CPQ: variants seen among roughly 807,000 people sequenced by gnomAD.
CPQ encodes the protein Ser-Met dipeptidase.
In CPQ, 37 loss-of-function variants were observed where a neutral mutation model predicts 45.7. That is an observed-to-expected ratio of 0.81 (90% CI 0.62 to 1.07). CPQ has a LOEUF of 1.07. Among genes scored for constraint, CPQ ranks in the 50% least tolerant of loss-of-function variants. The probability of loss-of-function intolerance (pLI) is 0.00; values close to 1 mark genes in which losing one functional copy is unlikely to be tolerated. For missense variants in CPQ, 537 were observed against 572.9 expected (o/e 0.94, Z 0.64); for synonymous variants, 186 against 205.8 (o/e 0.90, Z 0.82).
chr8:97,132,192 G>C (rs2130623560), intron 7 of CPQ, among the ~76,000 whole-genome samples: 1 of 152,232 alleles, frequency 6.6e-6, no homozygotes. Flanking sequence ...CATCAGCTTG[G>C]CCATGTGGAA....
intron 6 of CPQ, among the ~76,000 whole-genome samples, chr8:97,055,232 C>A (rs1406508550): frequency 6.6e-6 from 1 of 152,166 alleles, no homozygotes; most frequent in Non-Finnish European, 1.5e-5. Context: ...TGGAATCAGT[C>A]TCTCTGAACT....
intron 1 of CPQ, among the ~76,000 whole-genome samples, chr8:96,672,299 C>T (rs1809014624): frequency 6.6e-6 from 1 of 152,128 alleles, no homozygotes; most frequent in Non-Finnish European, 1.5e-5. Flanking sequence ...TTCTGTGCAG[C>T]ATCCCTGGGA....
intron 7 of CPQ, among the ~76,000 whole-genome samples, chr8:97,136,889 CT>C (rs1197377991): frequency 6.6e-6 from 1 of 152,164 alleles, no homozygotes; most frequent in Non-Finnish European, 1.5e-5. Context: ...AACATTCCCC[CT>C]GACCCACCCA....
intron 5 of CPQ, among the ~76,000 whole-genome samples, chr8:96,997,153 C>T (rs1248823780): frequency 6.6e-6 from 1 of 151,940 alleles, no homozygotes; most frequent in Non-Finnish European, 1.5e-5. Context: ...CAAAAGCATT[C>T]ACAAGTCCAC....
chr8:96,774,270 CAAA>C (rs764110279), intron 1 of CPQ, among the ~76,000 whole-genome samples: 3 of 108,692 alleles, frequency 2.8e-5, no homozygotes, highest in Non-Finnish European at 5.9e-5. Context: ...GACTCAGTCT[CAAA>C]AAAAAAAAAA....
chr8:96,784,963 T>C lies in CPQ; in HGVS notation c.66T>C (p.Ala22=). The C allele has an allele frequency of 6.2e-7, 1 of 1,613,834 alleles. No homozygotes were observed. ...TTTTATCCCTGTGCTCTGGGAAAGCTATATGCAAGAATGGCATCTCTAAGA... is the reference window on the plus strand; with the variant it reads ...TTTTATCCCTGTGCTCTGGGAAAGCCATATGCAAGAATGGCATCTCTAAGA... ...VHLLSLCSGK[A]ICKNGISKRT... is the part of the protein sequence containing the mutation. The change falls in exon 2 of 8, where the codon GCT becomes GCC. Residue 22 remains alanine, a synonymous_variant. Coordinates refer to ENST00000220763, the MANE Select transcript of CPQ (RefSeq NM_016134.4).
chr8:96,790,024 G>A (rs1810826246), intron 2 of CPQ, among the ~76,000 whole-genome samples: 2 of 152,086 alleles, frequency 1.3e-5, no homozygotes, highest in African/African-American at 4.8e-5. Flanking sequence ...AGCTATGGTT[G>A]TTCTGCCATT....
Position 96,716,429 on chromosome 8 carries a change from C to T in CPQ, c.-34-68435C>T, listed in dbSNP as rs1468785410. Reference sequence around the variant, plus strand: ...TCTGAGATTTTGGTGCATCCATCACCCAAGCAGTATACACTACTACACTGA... The same window carrying T: ...TCTGAGATTTTGGTGCATCCATCACTCAAGCAGTATACACTACTACACTGA... On this transcript the variant is annotated intron_variant, in intron 1 of 7. Coordinates refer to ENST00000220763, the MANE Select transcript of CPQ (RefSeq NM_016134.4). 5.9e-5 allele frequency among the ~76,000 whole-genome samples: 9 copies of T among 151,822 alleles called. 1 individual carries two copies. The South Asian group carries it at 8.3e-4, about 14-fold the overall frequency.
intron 7 of CPQ, among the ~76,000 whole-genome samples, chr8:97,079,095 C>T (rs935018459): frequency 1.3e-5 from 2 of 152,114 alleles, no homozygotes; most frequent in African/African-American, 4.8e-5. Context: ...GGAGCCACTG[C>T]ACCTGGCCAT....
At chr8:97,065,049 C>T (rs1334105433) in intron 6 of CPQ, among the ~76,000 whole-genome samples, 1 of 152,104 alleles carries the variant, frequency 6.6e-6, no homozygotes, top group Admixed American at 6.6e-5. Context: ...ACGCAATGTA[C>T]AAATGTTATT....
intron 1 of CPQ, among the ~76,000 whole-genome samples, chr8:96,724,747 A>T (rs999765052): frequency 6.6e-6 from 1 of 152,220 alleles, no homozygotes; most frequent in Non-Finnish European, 1.5e-5. Context: ...ACAGAATTAG[A>T]TAAAAACAAT....
intron 7 of CPQ, among the ~76,000 whole-genome samples, chr8:97,096,574 T>C (rs972399738): frequency 1.3e-5 from 2 of 152,224 alleles, no homozygotes; most frequent in Non-Finnish European, 2.9e-5. Context: ...GAAAGTCATC[T>C]TGGAGAAGGC....
chr8:96,654,172 G>A (rs1400590257), intron 1 of CPQ, among the ~76,000 whole-genome samples: 1 of 152,190 alleles, frequency 6.6e-6, no homozygotes, highest in Non-Finnish European at 1.5e-5. Flanking sequence ...CCGTCAAGTT[G>A]TCTTCTGTCA....
chr8:97,100,406 G>A (rs1811282986), intron 7 of CPQ, among the ~76,000 whole-genome samples: 2 of 152,154 alleles, frequency 1.3e-5, no homozygotes, highest in African/African-American at 4.8e-5. Context: ...CAGGCAAAGA[G>A]AGATGAGAGA....
intron 2 of CPQ, among the ~76,000 whole-genome samples, chr8:96,805,394 A>G (rs1056495849): frequency 3.3e-5 from 5 of 152,184 alleles, no homozygotes; most frequent in African/African-American, 1.2e-4. Context: ...TCATCCAATT[A>G]ATAATGACAG....
At chr8:96,779,717 G>A (rs938865818) in intron 1 of CPQ, among the ~76,000 whole-genome samples, 2 of 152,124 alleles carry the variant, frequency 1.3e-5, no homozygotes, top group African/African-American at 4.8e-5. Flanking sequence ...GTAGATATTT[G>A]TGGTTAGTGC....
At chr8:96,859,577 C>A (rs188542473) in intron 3 of CPQ, among the ~76,000 whole-genome samples, 15 of 152,272 alleles carry the variant, frequency 9.9e-5, no homozygotes, top group African/African-American at 3.4e-4. Context: ...TGAAATCTTT[C>A]CTTTCTATAA....
At position 96,946,884 on chromosome 8, in the gene CPQ, G is replaced by A. The variant is rs777710101; in HGVS notation, c.850-19051G>A. ...CAAACCTTACTTTCTTGGAAAGACCGTTTTCTGGCCGCTGAGGTCTCTGCC... is the reference window on the plus strand; with the variant it reads ...CAAACCTTACTTTCTTGGAAAGACCATTTTCTGGCCGCTGAGGTCTCTGCC... On this transcript the variant is annotated intron_variant, in intron 4 of 7. Transcript: ENST00000220763. Among the ~76,000 whole-genome samples the A allele has an allele frequency of 3.3e-5, 5 of 152,042 alleles. No individual in the cohort carries two copies. The South Asian group carries it at 1.0e-3, about 32-fold the overall frequency.
intron 7 of CPQ, among the ~76,000 whole-genome samples, chr8:97,136,915 G>T (rs1586558684): frequency 6.6e-6 from 1 of 152,100 alleles, no homozygotes; most frequent in African/African-American, 2.4e-5. Flanking sequence ...GCAATGTCAG[G>T]TGCTCTCAGA....
Sources: allele counts gnomAD v4.1 joint callset (sites outside exome capture counted in the v4.1 genomes callset), GRCh38; gene constraint gnomAD v4.1.1; transcripts MANE v1.5; gene names NCBI Gene and HGNC (gene_info 2026-07-23, HGNC 2026-07-21).